The following DAPK1 variants were observed in gnomAD, a reference collection of about 807,000 sequenced individuals.
DAPK1 encodes death associated protein kinase 1, also known as death-associated protein kinase 1.
A neutral mutation model predicts 144.9 loss-of-function variants in DAPK1; 56 were observed. The ratio of observed to expected loss-of-function variants is 0.39; its 90% CI spans 0.31 to 0.48. The LOEUF (loss-of-function observed/expected upper bound fraction) is 0.48, where lower values mean the gene tolerates loss of function less well. Ranked by LOEUF, DAPK1 falls within the 20% of genes least tolerant of loss-of-function variation. The pLI is 0.95. For synonymous variants in DAPK1, 690 were observed against 749.0 expected, an observed-to-expected ratio of 0.92 and a Z score of 1.29; for missense variants, 1,454 against 1,875.4, an observed-to-expected ratio of 0.78 and a Z score of 4.15.
chr9:87,655,155 A>G (rs1000658600), intron 17 of DAPK1, among the ~76,000 whole-genome samples: 2 of 152,100 alleles, frequency 1.3e-5, no homozygotes, highest in South Asian at 2.1e-4. Flanking sequence ...TCCAGTTTCA[A>G]CCCCTTGGAA....
At chr9:87,666,818 T>A (rs1309260009) in intron 18 of DAPK1, among the ~76,000 whole-genome samples, 2 of 148,552 alleles carry the variant, frequency 1.3e-5, no homozygotes, top group African/African-American at 5.3e-5. Flanking sequence ...TTTGAAGAGG[T>A]TGAACAGTGG....
intron 10 of DAPK1, 22 bp downstream of exon 10, chr9:87,642,080 G>A (rs1252074100): frequency 1.9e-6 from 3 of 1,600,416 alleles, no homozygotes; most frequent in Non-Finnish European, 2.6e-6. Context: ...TGTTGTGGAG[G>A]GATTAACAAA....
At position 87,582,557 on chromosome 9, in the gene DAPK1, C is replaced by CTTTTTTTT. The variant is rs10659497; in HGVS notation, c.63-22389_63-22382dup. On this transcript the variant is annotated intron_variant, in intron 2 of 25. Transcript: ENST00000408954. ...TGGTCACACTTTGCCAATTTTCCTG[C>CTTTTTTTT]TTTTTTTTTTTTTTTGAGATGGAAT... 9.3e-5 allele frequency among the ~76,000 whole-genome samples: 13 copies of CTTTTTTTT among 139,500 alleles called. 4 individuals are homozygous for CTTTTTTTT. The highest frequency in any genetic ancestry group is 8.0e-5 in the African/African-American group (3 of 37,644). The allele number at this position is 139,500 out of a possible 152,430, so 91.5% of individuals were successfully genotyped here. A position where few individuals can be genotyped will look rare whatever the true frequency, so the allele number is the denominator to read the frequency against.
In DAPK1 at chr9:87,700,167, G is replaced by T. The variant is rs1270728441; in HGVS notation, c.2801G>T (p.Gly934Val). Residue 934 changes from glycine to valine, a missense_variant, in exon 24 of 26, where the codon GGG becomes GTG. Physicochemically the swap from Gly to Val is moderately radical, Grantham distance 109. Coordinates refer to ENST00000408954, the MANE Select transcript of DAPK1 (RefSeq NM_004938.4). Reference sequence around the variant, plus strand: ...AATAAGCTGTTTGTTCTGGATGCTGGGGCTTCTGGGTCAAAGGACATGAAG... The same window carrying T: ...AATAAGCTGTTTGTTCTGGATGCTGTGGCTTCTGGGTCAAAGGACATGAAG... ...ISNKLFVLDAGASGSKDMKVL... is the reference protein window; with the variant it reads ...ISNKLFVLDAVASGSKDMKVL... The T allele has an allele frequency of 8.7e-6, 14 of 1,607,400 alleles. No homozygotes were observed. The highest frequency in any genetic ancestry group is 1.1e-5 in the Non-Finnish European group (13 of 1,173,886).
intron 15 of DAPK1, 64 bp downstream of exon 15, chr9:87,648,943 G>C (rs1830353521): frequency 7.2e-7 from 1 of 1,385,616 alleles, no homozygotes; most frequent in African/African-American, 1.4e-5. Context: ...CAGCCAGATG[G>C]TACAGTCGGG....
chr9:87,587,330 T>G (rs550939386), intron 2 of DAPK1, among the ~76,000 whole-genome samples: 1 of 152,352 alleles, frequency 6.6e-6, no homozygotes, highest in South Asian at 2.1e-4. Flanking sequence ...TTTCTAACAT[T>G]GAACATTTCT....
intron 2 of DAPK1, among the ~76,000 whole-genome samples, chr9:87,515,518 T>G (rs1282409540): frequency 6.6e-6 from 1 of 151,850 alleles, no homozygotes; most frequent in Non-Finnish European, 1.5e-5. Flanking sequence ...AGGCTTGTTT[T>G]GGGGGCACTG....
chr9:87,572,061 A>G (rs11141899), intron 2 of DAPK1, among the ~76,000 whole-genome samples: 43,675 of 152,112 alleles, frequency 0.29, 6,618 homozygotes, highest in East Asian at 0.49. Flanking sequence ...AAAGTCACAA[A>G]TAGAAAGACT....
At chr9:87,509,772 G>A (rs1468300369) in intron 2 of DAPK1, among the ~76,000 whole-genome samples, 3 of 152,246 alleles carry the variant, frequency 2.0e-5, no homozygotes, top group Non-Finnish European at 2.9e-5. Flanking sequence ...ACTGCTGGGA[G>A]TGATGCCAGA....
intron 17 of DAPK1, among the ~76,000 whole-genome samples, chr9:87,653,571 T>C (rs1830532981): frequency 6.6e-6 from 1 of 152,164 alleles, no homozygotes; most frequent in South Asian, 2.1e-4. Flanking sequence ...CAGAGAAGCA[T>C]GGTAAAATTG....
At chr9:87,548,472 A>G (rs181686918) in intron 2 of DAPK1, among the ~76,000 whole-genome samples, 7 of 152,284 alleles carry the variant, frequency 4.6e-5, no homozygotes, top group Admixed American at 3.3e-4. Context: ...CTTGCAACAT[A>G]TAAGTTTGGT....
chr9:87,703,610 CTGGG>C (rs1436392983), intron 25 of DAPK1, among the ~76,000 whole-genome samples: 2 of 152,120 alleles, frequency 1.3e-5, no homozygotes, highest in African/African-American at 4.8e-5. Context: ...CACAGATCTC[CTGGG>C]TGGGAAAACA....
At chr9:87,562,284 C>T (rs577593034) in intron 2 of DAPK1, among the ~76,000 whole-genome samples, 3 of 152,184 alleles carry the variant, frequency 2.0e-5, no homozygotes, top group Non-Finnish European at 4.4e-5. Flanking sequence ...ACCCCAATAG[C>T]GAACGTGAGT....
intron 2 of DAPK1, among the ~76,000 whole-genome samples, chr9:87,566,884 A>G (rs1033441825): frequency 6.6e-6 from 1 of 152,200 alleles, no homozygotes; most frequent in African/African-American, 2.4e-5. Context: ...ATCACAGCAT[A>G]CAGGGGGTTT....
intron 3 of DAPK1, among the ~76,000 whole-genome samples, chr9:87,624,353 G>A (rs1177288443): frequency 1.3e-5 from 2 of 152,200 alleles, no homozygotes; most frequent in African/African-American, 2.4e-5. Context: ...TGCTAGTTGG[G>A]CTCTCCCACA....
chr9:87,518,325 G>A (rs1195437267), intron 2 of DAPK1, among the ~76,000 whole-genome samples: 2 of 138,352 alleles, frequency 1.4e-5, no homozygotes, highest in Non-Finnish European at 3.0e-5. Flanking sequence ...ATGGAGTTTC[G>A]CCATGTTGGC....
At chr9:87,677,348 C>T (rs1188681495) in intron 19 of DAPK1, among the ~76,000 whole-genome samples, 2 of 152,190 alleles carry the variant, frequency 1.3e-5, no homozygotes, top group African/African-American at 4.8e-5. Flanking sequence ...CTAGAAGCCT[C>T]TCACAGGGGC....
intron 3 of DAPK1, among the ~76,000 whole-genome samples, chr9:87,629,834 A>AT (rs1324129145): frequency 6.6e-6 from 1 of 152,112 alleles, no homozygotes; most frequent in African/African-American, 2.4e-5. Context: ...TGGATTCTAA[A>AT]TCCCCCTTCC....
chr9:87,629,293 C>T (rs563705020), intron 3 of DAPK1, among the ~76,000 whole-genome samples: 74 of 152,206 alleles, frequency 4.9e-4, no homozygotes, highest in African/African-American at 1.7e-3. Context: ...TGGGAATGCT[C>T]GTCTACAAGC....
Sources: gnomAD v4.1 joint callset for allele counts (sites outside exome capture counted in the v4.1 genomes callset) on GRCh38, gnomAD v4.1.1 for gene constraint, MANE v1.5 for transcripts, NCBI Gene and HGNC (gene_info 2026-07-23, HGNC 2026-07-21) for gene names.